DMD: variants seen among roughly 807,000 people sequenced by gnomAD.
DMD encodes the protein dystrophin.
In DMD, 63 loss-of-function variants were observed where a neutral mutation model predicts 330.1. That is an observed-to-expected ratio of 0.19 (90% CI 0.16 to 0.24). The LOEUF (loss-of-function observed/expected upper bound fraction) is 0.24, where lower values mean the gene tolerates loss of function less well. Ranked by LOEUF, DMD falls within the 10% of genes least tolerant of loss-of-function variation. The probability of loss-of-function intolerance (pLI) is 1.00; values close to 1 mark genes in which losing one functional copy is unlikely to be tolerated. For synonymous variants in DMD, 1,223 were observed against 959.8 expected (o/e 1.27, Z -5.07); for missense variants, 3,344 against 2,684.1 (o/e 1.25, Z -5.43).
chrX:32,715,774 A>C (rs1456552448), intron 7 of DMD, among the ~76,000 whole-genome samples: 1 of 111,103 alleles, frequency 9.0e-6, no homozygotes, highest in Non-Finnish European at 1.9e-5. Flanking sequence ...TGAGTGGCAG[A>C]GTGAGACTTC....
chrX:32,191,564 A>G (rs902497019), intron 44 of DMD, among the ~76,000 whole-genome samples: 5 of 111,296 alleles, frequency 4.5e-5, no homozygotes, highest in Middle Eastern at 4.2e-3. Context: ...TTTTGGGCAA[A>G]ATAGACAGAT....
chrX:33,208,105 A>T (rs1244545525), intron 1 of DMD, among the ~76,000 whole-genome samples: 1 of 111,521 alleles, frequency 9.0e-6, no homozygotes, highest in East Asian at 2.8e-4. Flanking sequence ...CGTGCCTTCA[A>T]ATTATATACC....
At chrX:31,191,822 A>C (rs1012807516) in intron 67 of DMD, among the ~76,000 whole-genome samples, 3 of 112,319 alleles carry the variant, frequency 2.7e-5, no homozygotes, top group African/African-American at 9.7e-5. Context: ...CCCTTCATAA[A>C]TCCAAAAAAT....
intron 42 of DMD, among the ~76,000 whole-genome samples, chrX:32,290,680 T>G (rs890912115): frequency 8.9e-6 from 1 of 112,259 alleles, no homozygotes; most frequent in Non-Finnish European, 1.9e-5. Flanking sequence ...GAGCAAAATT[T>G]ATTGAGTTCT....
intron 7 of DMD, among the ~76,000 whole-genome samples, chrX:32,703,058 C>G (rs1036111834): frequency 9.0e-5 from 10 of 111,397 alleles, no homozygotes; most frequent in African/African-American, 2.9e-4. Flanking sequence ...CAAACACTCC[C>G]TTCTGAAACT....
chrX:32,700,770 C>T (rs778457170), intron 7 of DMD, among the ~76,000 whole-genome samples: 7 of 110,901 alleles, frequency 6.3e-5, no homozygotes, highest in Non-Finnish European at 1.3e-4. Flanking sequence ...ATGTATTTTC[C>T]TTGCCATACA....
At chrX:32,411,501 C>T (rs776569588) in intron 30 of DMD, among the ~76,000 whole-genome samples, 6 of 111,423 alleles carry the variant, frequency 5.4e-5, no homozygotes, top group African/African-American at 2.0e-4. Flanking sequence ...AAGTCAGAAA[C>T]ACCAGAACGT....
intron 76 of DMD, among the ~76,000 whole-genome samples, chrX:31,137,333 G>A (rs1262464592): frequency 8.9e-6 from 1 of 111,992 alleles, no homozygotes; most frequent in Non-Finnish European, 1.9e-5. Flanking sequence ...CTCTTTTTAA[G>A]AATCGAAATC....
chrX:32,747,209 T>TA (rs2070153492), intron 7 of DMD, among the ~76,000 whole-genome samples: 1 of 112,482 alleles, frequency 8.9e-6, no homozygotes, highest in Non-Finnish European at 1.9e-5. Context: ...GCGCAACAAT[T>TA]TTCAAATGGA....
At chrX:31,777,826 T>A (rs2090763122) in intron 50 of DMD, among the ~76,000 whole-genome samples, 1 of 112,075 alleles carries the variant, frequency 8.9e-6, no homozygotes, top group African/African-American at 3.2e-5. Context: ...TATGTGGATT[T>A]TTTTCTTCCT....
rs900561172 is a variant in DMD at position 32,833,845 on chromosome X, T to C, written c.265-10458A>G. ...TGTGAACATAATAGGTAACTGGCTA[T>C]CTCAATTTGAAGTTGAATATACAAG... On this transcript the variant is annotated intron_variant, in intron 4 of 78. Coordinates refer to ENST00000357033, the MANE Select transcript of DMD (RefSeq NM_004006.3). Among the ~76,000 whole-genome samples, 5 of 110,481 alleles carry C rather than the reference T, an allele frequency of 4.5e-5. No individual in the cohort carries two copies. The Admixed American group carries it at 4.9e-4, about 11-fold the overall frequency.
chrX:33,205,982 T>A (rs1397652636), intron 1 of DMD, among the ~76,000 whole-genome samples: 1 of 111,547 alleles, frequency 9.0e-6, no homozygotes, highest in Admixed American at 9.6e-5. Flanking sequence ...ATCTTAATCC[T>A]CTCCAAAACC....
intron 44 of DMD, among the ~76,000 whole-genome samples, chrX:31,990,084 G>A (rs1335886865): frequency 8.9e-6 from 1 of 112,394 alleles, no homozygotes; most frequent in Non-Finnish European, 1.9e-5. Flanking sequence ...AAATCATGTT[G>A]ACATTGTTCT....
chrX:32,309,505 C>A (rs1485667471), intron 42 of DMD, among the ~76,000 whole-genome samples: 1 of 111,063 alleles, frequency 9.0e-6, no homozygotes, highest in Non-Finnish European at 1.9e-5. Context: ...ATTTGCCTTA[C>A]TTGAGAATTT....
At chrX:32,981,516 C>T (rs1303869489) in intron 2 of DMD, among the ~76,000 whole-genome samples, 3 of 111,830 alleles carry the variant, frequency 2.7e-5, no homozygotes, top group Non-Finnish European at 5.6e-5. Context: ...ATGAGCATCT[C>T]ACTAGAAATT....
At chrX:31,631,031 C>T in intron 54 of DMD, among the ~76,000 whole-genome samples, 1 of 111,221 alleles carries the variant, frequency 9.0e-6, no homozygotes. Context: ...ATAAGGGCAG[C>T]ATGAAACAGT....
chrX:31,259,034 C>T (rs5972354), intron 63 of DMD, among the ~76,000 whole-genome samples: 38,511 of 109,627 alleles, frequency 0.35, 5,196 homozygotes, highest in East Asian at 0.48. Flanking sequence ...AGATCCTAGA[C>T]TATTAAACAC....
chrX:31,227,235 G>A (rs930467198), intron 63 of DMD, among the ~76,000 whole-genome samples: 4 of 111,057 alleles, frequency 3.6e-5, no homozygotes, highest in African/African-American at 1.3e-4. Context: ...AAATCTTAGC[G>A]TTCATATCAA....
intron 44 of DMD, among the ~76,000 whole-genome samples, chrX:32,204,996 C>CTCTCTG (rs1261282788): frequency 1.9e-5 from 1 of 53,001 alleles, no homozygotes; most frequent in East Asian, 4.9e-4. Context: ...CTCTCTCTCT[C>CTCTCTG]TCTCTCTCTC....
Sources: allele counts gnomAD v4.1 joint callset (sites outside exome capture counted in the v4.1 genomes callset), GRCh38; gene constraint gnomAD v4.1.1; transcripts MANE v1.5; gene names NCBI Gene and HGNC (gene_info 2026-07-23, HGNC 2026-07-21).